The following TENM3 variants were observed in gnomAD, a reference collection of about 807,000 sequenced individuals.
TENM3 encodes the protein teneurin-3.
A neutral mutation model predicts 255.1 loss-of-function variants in TENM3; 63 were observed. That is an observed-to-expected ratio of 0.25 (90% confidence interval 0.20 to 0.30). TENM3 has a LOEUF of 0.30. TENM3 is among the 10% of genes least tolerant of loss of function. The pLI, the probability that TENM3 is intolerant of heterozygous loss-of-function variation, is 1.00. For missense variants in TENM3, 2,929 were observed against 3,461.1 expected, an observed-to-expected ratio of 0.85 and a Z score of 3.86; for synonymous variants, 1,306 against 1,322.3, an observed-to-expected ratio of 0.99 and a Z score of 0.27.
At chr4:182,526,260 G>A (rs1207989556) in intron 3 of TENM3, among the ~76,000 whole-genome samples, 5 of 151,834 alleles carry the variant, frequency 3.3e-5, no homozygotes, top group Admixed American at 1.3e-4. Flanking sequence ...GATTACAGGC[G>A]TGAGCCACCG....
rs1359920292 is a variant in TENM3 at position 182,324,127 on chromosome 4, C to T, written c.107C>T (p.Pro36Leu). 1.2e-6 allele frequency: 2 copies of T among 1,613,822 alleles called. No individual in the cohort carries two copies. Among genetic ancestry groups the T allele is most frequent in the Non-Finnish European group, 1.7e-6 (2 of 1,179,882 alleles). ...SSADNEECRV[P>L]TQKSYSSSET... ...GCAGACAATGAGGAGTGCCGGGTACCCACACAGAAGTCCTACAGTTCCAGC... is the reference window on the plus strand; with the variant it reads ...GCAGACAATGAGGAGTGCCGGGTACTCACACAGAAGTCCTACAGTTCCAGC... Residue 36 changes from proline to leucine, a missense_variant, in exon 2 of 28, where the codon CCC becomes CTC. Physicochemically the swap from Pro to Leu is moderately conservative, Grantham distance 98. This residue lies in a region of TENM3 where 283 missense variants were observed against 256.9 expected (regional missense o/e 1.10). Coordinates refer to ENST00000511685, the MANE Select transcript of TENM3 (RefSeq NM_001080477.4).
intron 1 of TENM3, among the ~76,000 whole-genome samples, chr4:182,184,323 G>A (rs938894425): frequency 3.3e-5 from 5 of 152,078 alleles, no homozygotes; most frequent in Non-Finnish European, 7.4e-5. Context: ...AGTTACATAG[G>A]ATGTTTCTTT....
chr4:182,445,198 CTG>C lies in TENM3; in HGVS notation c.511+98273_511+98274del, dbSNP rs138674548. Among the ~76,000 whole-genome samples the C allele has an allele frequency of 1.2e-3, 179 of 152,272 alleles. 3 individuals are homozygous for C. The East Asian group carries it at 0.034, about 29-fold the overall frequency. On this transcript the variant is annotated intron_variant, in intron 3 of 27. Coordinates refer to ENST00000511685, the MANE Select transcript of TENM3 (RefSeq NM_001080477.4). ...GCTCCTGAGTCCATCAAACCTGGAACTGTGTTTAGGCCCAAGCACTCTGTAAC... is the reference window on the plus strand; with the variant it reads ...GCTCCTGAGTCCATCAAACCTGGAACTGTTTAGGCCCAAGCACTCTGTAAC...
At chr4:182,042,414 T>C in the TENM3 span, among the ~76,000 whole-genome samples, 1 of 152,124 alleles carries the variant, frequency 6.6e-6, no homozygotes, top group East Asian at 1.9e-4. Flanking sequence ...ATCTGCTAAG[T>C]GTCCCCCTCA....
the TENM3 span, among the ~76,000 whole-genome samples, chr4:182,020,628 A>G: frequency 6.6e-6 from 1 of 152,208 alleles, no homozygotes; most frequent in Non-Finnish European, 1.5e-5. Context: ...ACTATACATT[A>G]TATATATTGC....
chr4:181,576,810 T>TC, the TENM3 span, among the ~76,000 whole-genome samples: 1 of 145,892 alleles, frequency 6.9e-6, no homozygotes, highest in East Asian at 2.0e-4. Flanking sequence ...TTCTTTCTTT[T>TC]CTTTTTTTTT....
chr4:181,465,490 G>A, the TENM3 span, among the ~76,000 whole-genome samples: 1 of 152,108 alleles, frequency 6.6e-6, no homozygotes, highest in Non-Finnish European at 1.5e-5. Context: ...TTGAAAGATA[G>A]TCAGAAAAGG....
intron 1 of TENM3, among the ~76,000 whole-genome samples, chr4:182,203,990 C>G (rs1028452461): frequency 6.6e-6 from 1 of 152,186 alleles, no homozygotes; most frequent in Non-Finnish European, 1.5e-5. Flanking sequence ...GGAGGTGTTT[C>G]AGAAGCTGTC....
At chr4:182,580,643 G>C (rs930459078) in intron 3 of TENM3, among the ~76,000 whole-genome samples, 13 of 152,082 alleles carry the variant, frequency 8.5e-5, no homozygotes, top group African/African-American at 3.1e-4. Context: ...CATTATGCTA[G>C]TCTCTGTGAG....
the TENM3 span, among the ~76,000 whole-genome samples, chr4:181,977,248 TA>T: frequency 6.6e-6 from 1 of 152,182 alleles, no homozygotes; most frequent in South Asian, 2.1e-4. Context: ...AAACTCTTCT[TA>T]AAAAGAACCA....
the TENM3 span, among the ~76,000 whole-genome samples, chr4:181,860,992 T>G: frequency 6.6e-6 from 1 of 152,048 alleles, no homozygotes; most frequent in Admixed American, 6.6e-5. Flanking sequence ...GGGGTTGATA[T>G]CGAAAAAAAT....
At chr4:182,392,777 C>A (rs906028731) in intron 3 of TENM3, among the ~76,000 whole-genome samples, 56 of 152,258 alleles carry the variant, frequency 3.7e-4, no homozygotes, top group African/African-American at 1.2e-3. Context: ...AAATTAATTT[C>A]TTGAGGATGT....
the TENM3 span, among the ~76,000 whole-genome samples, chr4:181,971,095 A>G: frequency 6.6e-6 from 1 of 152,202 alleles, no homozygotes; most frequent in South Asian, 2.1e-4. Context: ...TTATAGGCCT[A>G]AGCCACTGAG....
At chr4:182,767,070 CT>C (rs1003135122) in intron 22 of TENM3, among the ~76,000 whole-genome samples, 111 of 152,282 alleles carry the variant, frequency 7.3e-4, no homozygotes, top group Non-Finnish European at 5.3e-4. Context: ...GGCGACTGCT[CT>C]GTTTCCCTTG....
At position 182,729,026 on chromosome 4, in the gene TENM3, C is replaced by G. The variant is rs781450464; in HGVS notation, c.2430C>G (p.Pro810=). 1.1e-5 allele frequency: 18 copies of G among 1,614,010 alleles called. No individual in the cohort carries two copies. Among genetic ancestry groups the G allele is most frequent in the South Asian group, 1.1e-4 (10 of 91,088 alleles). ...CCLQSSCQNQ[P]YCRGLPDPQD... ...TACAGAGTTCCTGCCAGAATCAGCC[C>G]TATTGTCGGGGACTGCCGGATCCTC... is the stretch of plus-strand genomic sequence containing the variant. The change falls in exon 14 of 28, where the codon CCC becomes CCG. Residue 810 remains proline, a synonymous_variant. Coordinates refer to ENST00000511685, the MANE Select transcript of TENM3 (RefSeq NM_001080477.4).
At chr4:182,787,249 G>C (rs1219566828) in intron 24 of TENM3, among the ~76,000 whole-genome samples, 1 of 152,162 alleles carries the variant, frequency 6.6e-6, no homozygotes, top group African/African-American at 2.4e-5. Flanking sequence ...AGGGATCTAG[G>C]CCAACCTCTT....
At chr4:181,605,482 GA>G in the TENM3 span, among the ~76,000 whole-genome samples, 3 of 6,836 alleles carry the variant, frequency 4.4e-4, no homozygotes, top group Admixed American at 2.0e-3. Flanking sequence ...GAGAAACAGA[GA>G]AAGAAAGAAA....
chr4:182,041,817 A>G, the TENM3 span, among the ~76,000 whole-genome samples: 1 of 152,216 alleles, frequency 6.6e-6, no homozygotes, highest in Admixed American at 6.5e-5. Flanking sequence ...TCTTGACAAA[A>G]TAAGTTACTT....
chr4:181,707,295 A>G, the TENM3 span, among the ~76,000 whole-genome samples: 2 of 152,188 alleles, frequency 1.3e-5, no homozygotes, highest in African/African-American at 4.8e-5. Context: ...ATAAGTTTGA[A>G]TAGTTATTTT....
Sources: gnomAD v4.1 joint callset for allele counts (sites outside exome capture counted in the v4.1 genomes callset) on GRCh38, gnomAD v4.1.1 for gene constraint, gnomAD v4.1.1 regional missense constraint, MANE v1.5 for transcripts, NCBI Gene and HGNC (gene_info 2026-07-23, HGNC 2026-07-21) for gene names.